The following XPO5 variants were observed in gnomAD, a reference collection of about 807,000 sequenced individuals.
The protein encoded by XPO5 is exportin 5, also known as exportin-5.
XPO5 carries 46 observed loss-of-function variants against 160.6 expected under a neutral mutation model. The observed-to-expected ratio is 0.29, with a 90% CI of 0.23 to 0.37. XPO5 has a LOEUF of 0.37. Ranked by LOEUF, XPO5 falls within the 10% of genes least tolerant of loss-of-function variation. XPO5 has a pLI of 1.00. For missense variants in XPO5, 1,090 were observed against 1,463.9 expected (o/e 0.74, Z 4.17); for synonymous variants, 537 against 519.3 (o/e 1.03, Z -0.46).
intron 13 of XPO5, 131 bp downstream of exon 13, chr6:43,555,705 G>A: frequency 8.8e-7 from 1 of 1,140,520 alleles, no homozygotes; most frequent in Non-Finnish European, 1.2e-6. Flanking sequence ...CCCTCTCCAG[G>A]ATGAGCAAAG....
intron 11 of XPO5, among the ~76,000 whole-genome samples, chr6:43,559,291 C>A (rs955409986): frequency 6.6e-6 from 1 of 151,774 alleles, no homozygotes; most frequent in Non-Finnish European, 1.5e-5. Context: ...GGTGAGACTC[C>A]GTCTCAAAAA....
intron 15 of XPO5, 114 bp downstream of exon 15, chr6:43,551,183 TA>T: frequency 8.8e-7 from 1 of 1,136,108 alleles, no homozygotes. Context: ...TTGAGACTAG[TA>T]ATTTGAGTCC....
chr6:43,524,968 C>G lies in XPO5; in HGVS notation c.3175G>C (p.Val1059Leu). 6.2e-7 allele frequency: 1 copy of G among 1,612,844 alleles called. No homozygotes were observed. Among genetic ancestry groups the G allele is most frequent in the Admixed American group, 1.7e-5 (1 of 59,928 alleles). The change falls in exon 30 of 32, where the codon GTG becomes CTG. Residue 1059 changes from valine to leucine, a missense_variant and splice_region_variant. Around this residue, in one of 3 missense-constraint regions of XPO5, gnomAD observed 810 missense variants for 1,139.0 expected, o/e 0.71. Coordinates refer to ENST00000265351, the MANE Select transcript of XPO5 (RefSeq NM_020750.3). Reference sequence around the variant, plus strand: ...TCTGCGAGCAGTGTCCCTGACAGCACCTGGGGAGACAACTGTGCTTTAGGG... The same window carrying G: ...TCTGCGAGCAGTGTCCCTGACAGCAGCTGGGGAGACAACTGTGCTTTAGGG... ...SQLCWPLLKQ[V>L]LSGTLLADAV...
chr6:43,560,144 C>G (rs1762340721), intron 11 of XPO5, 34 bp downstream of exon 11: 2 of 1,604,772 alleles, frequency 1.2e-6, no homozygotes. Context: ...GTGTATTCAC[C>G]TACATTCCAC....
chr6:43,554,938 CTTTT>C (rs555442611), intron 13 of XPO5: 4 of 125,124 alleles, frequency 3.2e-5, no homozygotes, highest in African/African-American at 6.3e-5. Flanking sequence ...AGTTAATTCA[CTTTT>C]TTTTTTTTTT....
Position 43,522,850 on chromosome 6 carries a change from A to T in XPO5, c.*1018T>A, listed in dbSNP as rs1156948425. 1 of 273,362 alleles carries T rather than the reference A, an allele frequency of 3.7e-6. No homozygotes were observed. The highest frequency in any genetic ancestry group is 8.5e-6 in the Non-Finnish European group (1 of 118,158). The allele number at this position is 273,362 out of a possible 1,614,324, so 16.9% of individuals were successfully genotyped here. A position where few individuals can be genotyped will look rare whatever the true frequency, so the allele number is the denominator to read the frequency against. ...GGTCCCGTATCCATGTCCTCTCTTT[A>T]CAGGGCCTTTCAGTGACCTCTAGAA... On this transcript the variant is annotated 3_prime_UTR_variant, in exon 32 of 32. Coordinates refer to ENST00000265351, the MANE Select transcript of XPO5 (RefSeq NM_020750.3).
At chr6:43,553,002 T>C (rs1380981085) in intron 14 of XPO5, among the ~76,000 whole-genome samples, 2 of 152,182 alleles carry the variant, frequency 1.3e-5, no homozygotes, top group East Asian at 3.9e-4. Context: ...TGTACATCCA[T>C]AGATTTTCCT....
chr6:43,548,231 G>A lies in XPO5; in HGVS notation c.2060+30C>T, dbSNP rs376655925. Reference sequence around the variant, plus strand: ...AAACCAAAATGGGTGCTTGAGTATAGTAAGAGTCAGGGCAAGGGATCTCCT... The same window carrying A: ...AAACCAAAATGGGTGCTTGAGTATAATAAGAGTCAGGGCAAGGGATCTCCT... On this transcript the variant is annotated intron_variant, in intron 18 of 31. Transcript: ENST00000265351. The A allele has an allele frequency of 4.3e-5, 66 of 1,551,594 alleles. No homozygotes were observed. The African/African-American group carries it at 7.5e-4, about 18-fold the overall frequency.
intron 13 of XPO5, 137 bp downstream of exon 13, chr6:43,555,699 C>T (rs1277079998): frequency 1.8e-6 from 2 of 1,106,738 alleles, no homozygotes; most frequent in Admixed American, 3.2e-5. Context: ...AACGCTCCCT[C>T]TCCAGGATGA....
chr6:43,556,117 C>CT (rs1323775520), intron 12 of XPO5, 153 bp from the exon 13 acceptor site: 2 of 1,015,448 alleles, frequency 2.0e-6, no homozygotes, highest in Admixed American at 6.0e-5. Context: ...CTCAATAAAA[C>CT]TTTATTAACG....
intron 14 of XPO5, among the ~76,000 whole-genome samples, chr6:43,552,205 C>T (rs1795260972): frequency 6.6e-6 from 1 of 151,372 alleles, no homozygotes; most frequent in South Asian, 2.1e-4. Flanking sequence ...TTACAGGCAC[C>T]CATGACCATG....
intron 15 of XPO5, 139 bp downstream of exon 15, chr6:43,551,159 G>A: frequency 4.9e-6 from 4 of 809,550 alleles, no homozygotes; most frequent in East Asian, 3.0e-5. Flanking sequence ...AGAAGGGTGA[G>A]GTGTGAGGAT....
intron 8 of XPO5, among the ~76,000 whole-genome samples, chr6:43,564,282 T>G (rs1270499366): frequency 6.6e-6 from 1 of 152,088 alleles, no homozygotes; most frequent in Non-Finnish European, 1.5e-5. Flanking sequence ...ATAATCCCAG[T>G]ACTTTGGGAG....
intron 12 of XPO5, 83 bp downstream of exon 12, chr6:43,558,418 C>T (rs1176680808): frequency 7.7e-7 from 1 of 1,291,652 alleles, no homozygotes; most frequent in South Asian, 1.5e-5. Flanking sequence ...TTCGTAAAAA[C>T]CCCAAACACC....
rs1254428037 is a variant in XPO5 at position 43,573,462 on chromosome 6, T to C, written c.227+18A>G. 1 of 1,612,286 alleles carries C rather than the reference T, an allele frequency of 6.2e-7. No individual in the cohort carries two copies. The highest frequency in any genetic ancestry group is 1.7e-5 in the Admixed American group (1 of 59,976). On this transcript the variant is annotated intron_variant, in intron 2 of 31. Transcript: ENST00000265351. ...CTGTTCTCTCAGACTTCAGTGGTAATGTCCAAGAGCTCCTTACTTGACAAC... is the reference window on the plus strand; with the variant it reads ...CTGTTCTCTCAGACTTCAGTGGTAACGTCCAAGAGCTCCTTACTTGACAAC...
chr6:43,526,744 A>T lies in XPO5; in HGVS notation c.2924T>A (p.Val975Asp). Residue 975 changes from valine (V) to aspartate (D), a missense_variant, in exon 27 of 32, where the codon GTT (valine) becomes GAT (aspartate). Val to Asp is a radical substitution (Grantham distance 152). Coordinates refer to ENST00000265351, the MANE Select transcript of XPO5 (RefSeq NM_020750.3). ...LTREVMDLITVCCVSKKGADH... is the reference protein window; with the variant it reads ...LTREVMDLITDCCVSKKGADH... ...AGCACCCTTCTTTGAAACACAGCAA[A>T]CCGCTAAAGCAAGAAAGCAGGGTTA... The T allele has an allele frequency of 6.2e-7, 1 of 1,613,724 alleles. No individual in the cohort carries two copies. The highest frequency in any genetic ancestry group is 1.1e-5 in the South Asian group (1 of 90,984).
chr6:43,543,696 G>A (rs1794820775), intron 20 of XPO5, among the ~76,000 whole-genome samples: 1 of 150,542 alleles, frequency 6.6e-6, no homozygotes. Context: ...TTTTTGAGAC[G>A]GAGTCTTCCC....
chr6:43,524,610 G>C lies in XPO5; in HGVS notation c.3338C>G (p.Ala1113Gly). The change falls in exon 31 of 32, where the codon GCT (alanine) becomes GGT (glycine). Residue 1113 changes from alanine to glycine, a missense_variant. Coordinates refer to ENST00000265351, the MANE Select transcript of XPO5 (RefSeq NM_020750.3). ...ALRPRYLEIR[A>G]VMEQIPEIQK... The stretch of plus-strand genomic sequence containing the variant: ...TATTTCAGGGATTTGCTCCATTACA[G>C]CTCTTATCTCCAGGTACCTGGGGCG... The C allele has an allele frequency of 6.2e-7, 1 of 1,613,958 alleles. No homozygotes were observed.
chr6:43,546,704 A>G lies in XPO5; in HGVS notation c.2209T>C (p.Trp737Arg). The change falls in exon 20 of 32, where the codon TGG (tryptophan) becomes CGG (arginine). Residue 737 changes from tryptophan to arginine, a missense_variant. Trp to Arg is a moderately radical substitution (Grantham distance 101, BLOSUM62 -3). This residue lies in a region of XPO5 where 810 missense variants were observed against 1,139.0 expected (regional missense o/e 0.71). Transcript: ENST00000265351. ...TTGGCCTCTTCTAGGTCAGTGGGCC[A>G]GCAAGTTCGTTTCACCACACCCAGA... ...SILGVVKRTC[W>R]PTDLEEAKAG... The G allele has an allele frequency of 6.2e-7, 1 of 1,612,864 alleles. No homozygotes were observed.
Sources: allele counts gnomAD v4.1 joint callset (sites outside exome capture counted in the v4.1 genomes callset), GRCh38; gene constraint gnomAD v4.1.1; regional missense constraint gnomAD v4.1.1; transcripts MANE v1.5; gene names NCBI Gene and HGNC (gene_info 2026-07-23, HGNC 2026-07-21).